The following CNTN3 variants were observed in gnomAD, a reference collection of about 807,000 sequenced individuals.
The protein encoded by CNTN3 is contactin 3.
Under a neutral mutation model 119.1 loss-of-function variants are expected in CNTN3, and 60 were observed. The observed-to-expected ratio is 0.50, with a 90% CI of 0.41 to 0.62. The LOEUF (loss-of-function observed/expected upper bound fraction) is 0.62, where lower values mean the gene tolerates loss of function less well. Among genes scored for constraint, CNTN3 ranks in the 20% least tolerant of loss-of-function variants. CNTN3 has a pLI of 0.00. For missense variants in CNTN3, 1,101 were observed against 1,242.4 expected (o/e 0.89, Z 1.71); for synonymous variants, 450 against 438.7 (o/e 1.03, Z -0.32).
intron 4 of CNTN3, among the ~76,000 whole-genome samples, chr3:74,459,716 ATC>A (rs755062551): frequency 2.0e-5 from 3 of 152,034 alleles, no homozygotes; most frequent in East Asian, 3.9e-4. Context: ...ATCAGTTAAA[ATC>A]TGTCTTTAAC....
At chr3:74,319,053 G>A (rs919704962) in intron 13 of CNTN3, among the ~76,000 whole-genome samples, 6 of 152,148 alleles carry the variant, frequency 3.9e-5, no homozygotes, top group Non-Finnish European at 8.8e-5. Flanking sequence ...TTGCTCATGG[G>A]TAGGAAGAAT....
chr3:74,377,154 G>C (rs1704496515), intron 5 of CNTN3, among the ~76,000 whole-genome samples: 1 of 152,014 alleles, frequency 6.6e-6, no homozygotes, highest in Non-Finnish European at 1.5e-5. Context: ...GAATAGAGTT[G>C]TACACTGTCA....
intron 4 of CNTN3, among the ~76,000 whole-genome samples, chr3:74,476,834 C>T (rs927839022): frequency 1.6e-4 from 24 of 151,698 alleles, no homozygotes; most frequent in East Asian, 9.7e-4. Context: ...GCAGAGATGA[C>T]GGAAGAATTA....
At chr3:74,308,471 G>C (rs975057488) in intron 13 of CNTN3, among the ~76,000 whole-genome samples, 7 of 152,172 alleles carry the variant, frequency 4.6e-5, no homozygotes, top group African/African-American at 1.7e-4. Flanking sequence ...TCCATCATAA[G>C]TGTTTTAAAA....
chr3:74,347,215 T>C (rs1259226433), intron 11 of CNTN3, among the ~76,000 whole-genome samples: 1 of 152,160 alleles, frequency 6.6e-6, no homozygotes. Context: ...ACCTCAAGAA[T>C]ACACAGTCTC....
At chr3:74,309,183 C>A (rs968718647) in intron 13 of CNTN3, among the ~76,000 whole-genome samples, 3 of 152,114 alleles carry the variant, frequency 2.0e-5, no homozygotes, top group Non-Finnish European at 4.4e-5. Flanking sequence ...TAGCACCCTG[C>A]AACCTCCATC....
intron 4 of CNTN3, among the ~76,000 whole-genome samples, chr3:74,441,509 T>C (rs138075144): frequency 1.3e-5 from 2 of 152,184 alleles, no homozygotes; most frequent in Non-Finnish European, 2.9e-5. Context: ...AGGATGCTGG[T>C]TGACACATGG....
chr3:74,383,908 T>C (rs192300252), intron 5 of CNTN3, among the ~76,000 whole-genome samples: 4 of 152,296 alleles, frequency 2.6e-5, no homozygotes, highest in South Asian at 2.1e-4. Flanking sequence ...CTGAGGCAGA[T>C]AGAGTTACAG....
At chr3:74,605,309 A>G (rs1704973719) in intron 1 of CNTN3, among the ~76,000 whole-genome samples, 1 of 152,132 alleles carries the variant, frequency 6.6e-6, no homozygotes, top group South Asian at 2.1e-4. Flanking sequence ...CATACAAAAA[A>G]TAAGCATGTG....
intron 8 of CNTN3, among the ~76,000 whole-genome samples, chr3:74,367,753 T>C (rs1341178210): frequency 2.6e-5 from 4 of 152,114 alleles, no homozygotes; most frequent in Non-Finnish European, 5.9e-5. Context: ...TTCCTCATCA[T>C]ATGAAGCATA....
At chr3:74,279,635 G>T (rs568630479) in intron 20 of CNTN3, among the ~76,000 whole-genome samples, 30 of 151,558 alleles carry the variant, frequency 2.0e-4, no homozygotes, top group African/African-American at 7.3e-4. Context: ...TTCGGGACTT[G>T]GGGGGAAGGT....
intron 1 of CNTN3, among the ~76,000 whole-genome samples, chr3:74,593,167 G>A (rs1704733751): frequency 6.6e-6 from 1 of 151,932 alleles, no homozygotes; most frequent in Non-Finnish European, 1.5e-5. Context: ...AACAATTTAT[G>A]ACAAGAGTCT....
intron 11 of CNTN3, among the ~76,000 whole-genome samples, chr3:74,352,706 G>A (rs1703846314): frequency 6.6e-6 from 1 of 152,078 alleles, no homozygotes; most frequent in African/African-American, 2.4e-5. Context: ...TTCCTTCTAG[G>A]CAGAAGGCAG....
At chr3:74,425,738 TA>T (rs1701685710) in intron 4 of CNTN3, among the ~76,000 whole-genome samples, 1 of 152,176 alleles carries the variant, frequency 6.6e-6, no homozygotes, top group South Asian at 2.1e-4. Flanking sequence ...TATCATAGCC[TA>T]AATAGATTTT....
intron 1 of CNTN3, among the ~76,000 whole-genome samples, chr3:74,545,490 G>A (rs1218247130): frequency 6.6e-6 from 1 of 152,076 alleles, no homozygotes; most frequent in Non-Finnish European, 1.5e-5. Context: ...CTGAAGTGTT[G>A]TAAAACCCCA....
rs570718966 is a variant in CNTN3, at chr3:74,588,348, G to A, written c.-81+26043C>T. Among the ~76,000 whole-genome samples, 380 of 152,030 alleles carry A rather than the reference G, an allele frequency of 2.5e-3. 2 individuals carry two copies. Among genetic ancestry groups the A allele is most frequent in the South Asian group, 0.011 (53 of 4,826 alleles). ...AGAGCCAAATCATGAGTGAACTCCC[G>A]TTCACAATTGCTTCAAAGAGAATAA... is the stretch of plus-strand genomic sequence containing the variant. On this transcript the variant is annotated intron_variant, in intron 1 of 22. Transcript: ENST00000263665.
intron 22 of CNTN3, among the ~76,000 whole-genome samples, chr3:74,265,558 C>A (rs1701647569): frequency 1.3e-5 from 2 of 152,118 alleles, no homozygotes; most frequent in African/African-American, 4.8e-5. Flanking sequence ...CTTAGTTCTG[C>A]AATAAGTAGT....
At chr3:74,545,518 A>G (rs570622234) in intron 1 of CNTN3, among the ~76,000 whole-genome samples, 7 of 152,342 alleles carry the variant, frequency 4.6e-5, no homozygotes, top group African/African-American at 1.7e-4. Context: ...ATTCACAGAC[A>G]TCACTATAAT....
intron 4 of CNTN3, among the ~76,000 whole-genome samples, chr3:74,467,197 G>T (rs1702477289): frequency 6.6e-6 from 1 of 151,486 alleles, no homozygotes; most frequent in Non-Finnish European, 1.5e-5. Flanking sequence ...AGTCACAAAA[G>T]AAAAAAATGA....
Sources: allele counts gnomAD v4.1 joint callset (sites outside exome capture counted in the v4.1 genomes callset), GRCh38; gene constraint gnomAD v4.1.1; transcripts MANE v1.5; gene names NCBI Gene and HGNC (gene_info 2026-07-23, HGNC 2026-07-21).